Variants in ITGB1 observed in about 807,000 individuals in gnomAD.
ITGB1 encodes the protein integrin subunit beta 1, also known as integrin beta-1.
A neutral mutation model predicts 86.5 loss-of-function variants in ITGB1; 24 were observed. The observed-to-expected ratio is 0.28, with a 90% confidence interval of 0.20 to 0.39. The LOEUF (loss-of-function observed/expected upper bound fraction) is 0.39. Among genes scored for constraint, ITGB1 ranks in the 10% least tolerant of loss-of-function variants. ITGB1 has a pLI of 1.00. For synonymous variants in ITGB1, 323 were observed against 316.8 expected, an observed-to-expected ratio of 1.02 and a Z score of -0.21; for missense variants, 556 against 946.9, an observed-to-expected ratio of 0.59 and a Z score of 5.42.
At chr10:32,949,702 TG>T (rs1396840015) in intron 1 of ITGB1, among the ~76,000 whole-genome samples, 1 of 152,206 alleles carries the variant, frequency 6.6e-6, no homozygotes, top group Non-Finnish European at 1.5e-5. Flanking sequence ...TTGTTTCCAC[TG>T]TCAAAAATAG....
intron 14 of ITGB1, among the ~76,000 whole-genome samples, chr10:32,909,089 T>G (rs2094905509): frequency 6.6e-6 from 1 of 152,260 alleles, no homozygotes; most frequent in East Asian, 1.9e-4. Context: ...AAAAACACTT[T>G]TGTAAAAGAA....
intron 1 of ITGB1, among the ~76,000 whole-genome samples, chr10:32,950,985 G>T (rs977363839): frequency 2.0e-5 from 3 of 152,156 alleles, no homozygotes; most frequent in African/African-American, 7.2e-5. Flanking sequence ...GCAAGGGAAA[G>T]ATAAATAATG....
intron 1 of ITGB1, among the ~76,000 whole-genome samples, chr10:32,939,389 CAAAG>C (rs1439051612): frequency 1.3e-5 from 2 of 152,186 alleles, no homozygotes; most frequent in Non-Finnish European, 2.9e-5. Context: ...TGTCATTTAA[CAAAG>C]AAAGAGCTCT....
chr10:32,929,924 T>C lies in ITGB1; in HGVS notation c.274A>G (p.Asn92Asp), dbSNP rs748857918. The C allele has an allele frequency of 3.7e-6, 6 of 1,601,904 alleles. No individual in the cohort carries two copies. Among genetic ancestry groups the C allele is most frequent in the Middle Eastern group, 1.7e-4 (1 of 6,054 alleles). Reference sequence around the variant, plus strand: ...TTGCTACGGTTGGTTACATTTTTATTTTTCTTTATATCTTTGGAGCCTCTG... The same window carrying C: ...TTGCTACGGTTGGTTACATTTTTATCTTTCTTTATATCTTTGGAGCCTCTG... ...NPRGSKDIKK[N>D]KNVTNRSKGT... The change falls in exon 4 of 16, where the codon AAT becomes GAT. Residue 92 changes from asparagine to aspartate, a missense_variant. Transcript: ENST00000302278.
intron 11 of ITGB1, among the ~76,000 whole-genome samples, chr10:32,912,339 G>A (rs946107478): frequency 2.0e-5 from 3 of 152,192 alleles, no homozygotes; most frequent in Non-Finnish European, 4.4e-5. Context: ...GAAGCAGGGC[G>A]GGGCATCGCC....
intron 7 of ITGB1, among the ~76,000 whole-genome samples, chr10:32,923,141 A>G (rs2094955080): frequency 6.6e-6 from 1 of 152,244 alleles, no homozygotes; most frequent in South Asian, 2.1e-4. Flanking sequence ...AACTTAAGAA[A>G]AAGACCAAGA....
intron 1 of ITGB1, chr10:32,935,762 A>G (rs1565829465): frequency 4.3e-6 from 2 of 460,586 alleles, no homozygotes; most frequent in Admixed American, 3.5e-5. Flanking sequence ...CACTGCGAAA[A>G]TAACTTCCAT....
chr10:32,949,310 G>A (rs2095038334), intron 1 of ITGB1, among the ~76,000 whole-genome samples: 1 of 152,090 alleles, frequency 6.6e-6, no homozygotes, highest in South Asian at 2.1e-4. Context: ...CTGACCATCT[G>A]TATCCAGAAG....
chr10:32,921,246 T>C (rs1055927148), intron 9 of ITGB1, among the ~76,000 whole-genome samples: 3 of 148,958 alleles, frequency 2.0e-5, no homozygotes, highest in African/African-American at 7.4e-5. Flanking sequence ...TCAGGACAAA[T>C]GGAGAAGGGT....
chr10:32,920,481 T>A (rs2094945919), intron 9 of ITGB1, 96 bp from the exon 10 acceptor site: 8 of 1,108,556 alleles, frequency 7.2e-6, no homozygotes, highest in Non-Finnish European at 1.0e-5. Context: ...AAAATATATT[T>A]CAATAAAGTA....
chr10:32,954,223 A>T (rs1037402388), intron 1 of ITGB1, among the ~76,000 whole-genome samples: 1 of 151,926 alleles, frequency 6.6e-6, no homozygotes, highest in Non-Finnish European at 1.5e-5. Flanking sequence ...AAAAAAAAAA[A>T]CTTGGCCTCA....
At chr10:32,915,741 A>G (rs1002031653) in intron 11 of ITGB1, among the ~76,000 whole-genome samples, 2 of 152,232 alleles carry the variant, frequency 1.3e-5, no homozygotes, top group African/African-American at 4.8e-5. Context: ...AGGTACAAAC[A>G]GAAGCTGGTA....
intron 1 of ITGB1, among the ~76,000 whole-genome samples, chr10:32,944,316 G>A (rs1206280311): frequency 6.6e-6 from 1 of 152,260 alleles, no homozygotes; most frequent in Non-Finnish European, 1.5e-5. Flanking sequence ...CCAGCTGGCT[G>A]GGCCTGGGCG....
intron 11 of ITGB1, among the ~76,000 whole-genome samples, chr10:32,917,144 G>A (rs1311873002): frequency 6.6e-6 from 1 of 152,198 alleles, no homozygotes; most frequent in East Asian, 1.9e-4. Context: ...GCCATATGGA[G>A]AAAGCTGAAA....
chr10:32,909,587 T>C (rs536713283), intron 14 of ITGB1, among the ~76,000 whole-genome samples: 1 of 152,240 alleles, frequency 6.6e-6, no homozygotes, highest in South Asian at 2.1e-4. Flanking sequence ...AACACCTAGC[T>C]GATAATTCAA....
intron 7 of ITGB1, 122 bp downstream of exon 7, chr10:32,923,463 C>T: frequency 1.3e-6 from 1 of 748,752 alleles, no homozygotes. Context: ...AGGACCCCTA[C>T]TTACCAAAAC....
intron 15 of ITGB1, among the ~76,000 whole-genome samples, chr10:32,904,734 C>A (rs940471749): frequency 2.6e-5 from 4 of 152,128 alleles, no homozygotes; most frequent in African/African-American, 9.7e-5. Flanking sequence ...AGAAAAACAT[C>A]TCTTAAAATA....
chr10:32,909,556 G>A (rs1419920187), intron 14 of ITGB1, among the ~76,000 whole-genome samples: 1 of 152,120 alleles, frequency 6.6e-6, no homozygotes, highest in Non-Finnish European at 1.5e-5. Flanking sequence ...GGAGACACAG[G>A]CTGGGAGACA....
chr10:32,930,769 A>G (rs1036851675), intron 3 of ITGB1, among the ~76,000 whole-genome samples: 1 of 152,164 alleles, frequency 6.6e-6, no homozygotes, highest in African/African-American at 2.4e-5. Flanking sequence ...AGGTGAATGG[A>G]TATTTGCAGT....
Sources: allele counts gnomAD v4.1 joint callset (sites outside exome capture counted in the v4.1 genomes callset), GRCh38; gene constraint gnomAD v4.1.1; transcripts MANE v1.5; gene names NCBI Gene and HGNC (gene_info 2026-07-23, HGNC 2026-07-21).